Variants in SEH1L observed in about 807,000 individuals in gnomAD.
SEH1L encodes nucleoporin SEH1.
SEH1L carries 18 observed loss-of-function variants against 49.5 expected under a neutral mutation model. The observed-to-expected ratio is 0.36, with a 90% CI of 0.25 to 0.54. SEH1L has a LOEUF of 0.54. SEH1L is among the 20% of genes least tolerant of loss of function. The pLI is 0.87. For missense variants in SEH1L, 404 were observed against 528.8 expected, an observed-to-expected ratio of 0.76 and a Z score of 2.31; for synonymous variants, 169 against 178.1, an observed-to-expected ratio of 0.95 and a Z score of 0.41.
chr18:12,977,413 T>C (rs756049304), intron 5 of SEH1L: 14 of 152,210 alleles, frequency 9.2e-5, no homozygotes, highest in Non-Finnish European at 1.6e-4. Context: ...CTTTGCATAG[T>C]TTCCTTTTAT....
intron 2 of SEH1L, 33 bp downstream of exon 2, chr18:12,951,938 C>T (rs1489869155): frequency 8.4e-7 from 1 of 1,189,596 alleles, no homozygotes; most frequent in South Asian, 1.4e-5. Flanking sequence ...ATTAAAAATA[C>T]AGAAATATTT....
At position 12,962,459 on chromosome 18, in the gene SEH1L, CTTTTTTTTTT is replaced by C. The variant is rs3070220; in HGVS notation, c.310-684_310-675del. On this transcript the variant is annotated intron_variant, in intron 3 of 8. Coordinates refer to ENST00000399892, the MANE Select transcript of SEH1L (RefSeq NM_001013437.2). ...TTGAGAGAAGAAATTGCATGCCTTTCTTTTTTTTTTTTTTTTTTTTTTTTTTGAGAGAGGG... is the reference window on the plus strand; with the variant it reads ...TTGAGAGAAGAAATTGCATGCCTTTCTTTTTTTTTTTTTTTTGAGAGAGGG... Among the ~76,000 whole-genome samples, 5 of 63,654 alleles carry C rather than the reference CTTTTTTTTTT, an allele frequency of 7.9e-5. No homozygotes were observed. In the Admixed American group the frequency reaches 9.4e-4, roughly 12 times the overall value. 41.8% of individuals were successfully genotyped at this position (63,654 alleles called of 152,430 possible). A position where few individuals can be genotyped will look rare whatever the true frequency, so the allele number is the denominator to read the frequency against.
chr18:12,955,121 T>C (rs66484417), intron 2 of SEH1L, among the ~76,000 whole-genome samples: 31,178 of 148,900 alleles, frequency 0.21, 2,612 homozygotes, highest in East Asian at 0.36. Flanking sequence ...TTTCAAAGGT[T>C]GGTTACGCTA....
intron 3 of SEH1L, among the ~76,000 whole-genome samples, chr18:12,960,328 A>T (rs1233721021): frequency 6.6e-6 from 1 of 152,240 alleles, no homozygotes; most frequent in Non-Finnish European, 1.5e-5. Flanking sequence ...GTCATTAAAA[A>T]ATGTTAGGGT....
At chr18:12,983,912 C>A in intron 7 of SEH1L, 128 bp from the exon 8 acceptor site, 1 of 590,910 alleles carries the variant, frequency 1.7e-6, no homozygotes, top group Non-Finnish European at 2.8e-6. Context: ...TAATGTTTAT[C>A]CTGAAAGAAA....
In SEH1L at chr18:12,948,301, G is replaced by T. The variant is rs1040134807; in HGVS notation, c.111+69G>T. 16 of 1,126,972 alleles carry T rather than the reference G, an allele frequency of 1.4e-5. No homozygotes were observed. In the East Asian group the frequency reaches 2.0e-4, roughly 14 times the overall value. The allele number at this position is 1,126,972 out of a possible 1,614,324, so 69.8% of individuals were successfully genotyped here. A position where few individuals can be genotyped will look rare whatever the true frequency, so the allele number is the denominator to read the frequency against. ...AAGGGGAGTGGGTGGGCGGCGCGGG[G>T]AACGGGGCTGTGTCTTGGTTCAGTG... On this transcript the variant is annotated intron_variant, in intron 1 of 8. Transcript: ENST00000399892.
At chr18:12,964,437 A>C (rs1026255240) in intron 4 of SEH1L, 1 of 152,124 alleles carries the variant, frequency 6.6e-6, no homozygotes, top group Non-Finnish European at 1.5e-5. Flanking sequence ...TCATTAAAGA[A>C]TATCCAAACT....
At chr18:12,974,571 C>T (rs370370485) in intron 5 of SEH1L, 1 of 152,292 alleles carries the variant, frequency 6.6e-6, no homozygotes, top group East Asian at 1.9e-4. Context: ...AGCCACCACG[C>T]CCGGCCTGTT....
At chr18:12,969,665 C>T (rs1043197483) in intron 4 of SEH1L, among the ~76,000 whole-genome samples, 33 of 143,154 alleles carry the variant, frequency 2.3e-4, no homozygotes, top group Non-Finnish European at 4.4e-4. Flanking sequence ...TCCAGCCTGG[C>T]GACAGAGTGA....
intron 1 of SEH1L, among the ~76,000 whole-genome samples, chr18:12,949,221 A>T (rs866752537): frequency 1.3e-5 from 2 of 151,634 alleles, no homozygotes; most frequent in Middle Eastern, 6.8e-3. Context: ...AACCTCCCAG[A>T]TGTGTTGCAG....
At chr18:12,950,120 A>G (rs1009294482) in intron 1 of SEH1L, among the ~76,000 whole-genome samples, 4 of 151,640 alleles carry the variant, frequency 2.6e-5, no homozygotes, top group Non-Finnish European at 5.9e-5. Flanking sequence ...TGCAGCCTCA[A>G]CATCCCAGGT....
chr18:12,980,426 C>T (rs1388912120), intron 6 of SEH1L, among the ~76,000 whole-genome samples: 16 of 84,234 alleles, frequency 1.9e-4, no homozygotes, highest in Non-Finnish European at 2.3e-4. Context: ...GGGGCTGACC[C>T]CCCAACCTCC....
intron 5 of SEH1L, chr18:12,976,430 G>C (rs1034784109): frequency 1.3e-5 from 2 of 152,268 alleles, no homozygotes; most frequent in African/African-American, 4.8e-5. Flanking sequence ...CAGGAGGTGC[G>C]GGTCATGGGG....
intron 6 of SEH1L, 67 bp from the exon 7 acceptor site, chr18:12,982,450 TG>T: frequency 2.7e-6 from 3 of 1,092,146 alleles, no homozygotes; most frequent in Non-Finnish European, 4.0e-6. Flanking sequence ...TATATATATA[TG>T]TGTGTGTATA....
intron 7 of SEH1L, chr18:12,982,938 C>A (rs1018345119): frequency 3.6e-6 from 1 of 278,878 alleles, no homozygotes; most frequent in Non-Finnish European, 6.8e-6. Context: ...TAAAAAGATA[C>A]CAGTTGTCAT....
intron 3 of SEH1L, among the ~76,000 whole-genome samples, chr18:12,958,132 G>A (rs2030992125): frequency 7.9e-6 from 1 of 126,178 alleles, no homozygotes; most frequent in Non-Finnish European, 1.6e-5. Flanking sequence ...CACCCAGGCT[G>A]GAGTGCAGTG....
At chr18:12,965,292 A>C (rs554661112) in intron 4 of SEH1L, among the ~76,000 whole-genome samples, 46 of 152,182 alleles carry the variant, frequency 3.0e-4, no homozygotes, top group Non-Finnish European at 6.2e-4. Flanking sequence ...GATTACAGGC[A>C]TGAGCCACCT....
At chr18:12,970,651 C>G (rs2031660259) in intron 4 of SEH1L, among the ~76,000 whole-genome samples, 1 of 152,134 alleles carries the variant, frequency 6.6e-6, no homozygotes, top group Non-Finnish European at 1.5e-5. Context: ...TCTTGAACTC[C>G]TGGCCTCAAA....
At chr18:12,965,313 AT>A (rs1297654136) in intron 4 of SEH1L, among the ~76,000 whole-genome samples, 3 of 152,164 alleles carry the variant, frequency 2.0e-5, no homozygotes, top group Non-Finnish European at 4.4e-5. Flanking sequence ...CGCCCAGTCC[AT>A]TTCCTAATTC....
Sources: gnomAD v4.1 joint callset for allele counts (sites outside exome capture counted in the v4.1 genomes callset) on GRCh38, gnomAD v4.1.1 for gene constraint, MANE v1.5 for transcripts, NCBI Gene and HGNC (gene_info 2026-07-23, HGNC 2026-07-21) for gene names.